Variants in LRRK1 observed in about 807,000 individuals in gnomAD.
LRRK1 encodes the protein leucine rich repeat kinase 1.
In LRRK1, 113 loss-of-function variants were observed where a neutral mutation model predicts 209.1. The ratio of observed to expected loss-of-function variants is 0.54; its 90% CI spans 0.46 to 0.63. The LOEUF is 0.63. Among genes scored for constraint, LRRK1 ranks in the 30% least tolerant of loss-of-function variants. LRRK1 has a pLI of 0.00. For missense variants in LRRK1, 2,284 were observed against 2,632.2 expected (o/e 0.87, Z 2.89); for synonymous variants, 1,144 against 1,099.7 (o/e 1.04, Z -0.80).
At chr15:100,977,414 C>T (rs1439753662) in intron 3 of LRRK1, among the ~76,000 whole-genome samples, 3 of 152,168 alleles carry the variant, frequency 2.0e-5, no homozygotes, top group African/African-American at 4.8e-5. Flanking sequence ...CATCCCCACC[C>T]CACGGTGTCA....
At chr15:100,942,212 G>A (rs898715402) in intron 2 of LRRK1, among the ~76,000 whole-genome samples, 6 of 152,270 alleles carry the variant, frequency 3.9e-5, no homozygotes, top group East Asian at 1.9e-4. Context: ...CTCTACAGTC[G>A]GAAGGAACCG....
chr15:101,056,610 AATGGATGG>A (rs913204597), intron 27 of LRRK1, among the ~76,000 whole-genome samples: 3 of 152,044 alleles, frequency 2.0e-5, no homozygotes, highest in African/African-American at 4.8e-5. Context: ...AAGACAAGCA[AATGGATGG>A]ATGGGTGGAT....
Position 101,065,399 on chromosome 15 carries a change from G to A in LRRK1, c.4962G>A (p.Val1654=). The A allele has an allele frequency of 6.2e-7, 1 of 1,614,096 alleles. No homozygotes were observed. Among genetic ancestry groups the A allele is most frequent in the Non-Finnish European group, 8.5e-7 (1 of 1,180,040 alleles). ...GCCTCGCCGATGGGCTTGTGGCTGT[G>A]TTTCCCGTGGTGCGGGGCACCCCAA... The part of the protein sequence containing the change: ...LAGLADGLVA[V]FPVVRGTPKD... The change falls in exon 32 of 34, where the codon GTG becomes GTA. Residue 1654 remains valine (V), a synonymous_variant. Transcript: ENST00000388948.
At chr15:100,976,228 T>C (rs181762872) in intron 3 of LRRK1, among the ~76,000 whole-genome samples, 1 of 152,326 alleles carries the variant, frequency 6.6e-6, no homozygotes, top group Admixed American at 6.5e-5. Context: ...ACTGGTGTGT[T>C]CTACCAATAA....
intron 30 of LRRK1, among the ~76,000 whole-genome samples, chr15:101,061,620 A>G (rs1172222950): frequency 1.3e-5 from 2 of 152,214 alleles, no homozygotes; most frequent in African/African-American, 2.4e-5. Flanking sequence ...TCAGCTCTGA[A>G]GGCCTCTTGC....
At chr15:101,058,547 T>G (rs2035948980) in intron 29 of LRRK1, among the ~76,000 whole-genome samples, 1 of 140,250 alleles carries the variant, frequency 7.1e-6, no homozygotes, top group African/African-American at 2.6e-5. Context: ...AAAAACGAAA[T>G]GAGGCCTGTC....
chr15:100,993,041 T>C (rs1393533457), intron 6 of LRRK1, among the ~76,000 whole-genome samples: 1 of 152,200 alleles, frequency 6.6e-6, no homozygotes, highest in East Asian at 1.9e-4. Context: ...GGTTCTTATC[T>C]GGACTCCAGG....
chr15:100,930,888 G>A (rs2042200353), intron 2 of LRRK1, among the ~76,000 whole-genome samples: 1 of 152,206 alleles, frequency 6.6e-6, no homozygotes, highest in Non-Finnish European at 1.5e-5. Context: ...TGCCATGTAA[G>A]TCTAAACTTG....
At chr15:101,036,656 TG>T (rs542287055) in intron 20 of LRRK1, among the ~76,000 whole-genome samples, 86 of 152,368 alleles carry the variant, frequency 5.6e-4, no homozygotes, top group Admixed American at 1.3e-3. Context: ...TGTTTTCCTT[TG>T]GAAGTATCAT....
chr15:101,010,995 C>T (rs563080358), intron 9 of LRRK1, among the ~76,000 whole-genome samples, 158 bp downstream of exon 9: 2 of 152,268 alleles, frequency 1.3e-5, no homozygotes, highest in South Asian at 2.1e-4. Flanking sequence ...ACTCAGCATA[C>T]AGCGAGGCTG....
At chr15:100,932,429 C>T (rs2042229159) in intron 2 of LRRK1, among the ~76,000 whole-genome samples, 1 of 152,214 alleles carries the variant, frequency 6.6e-6, no homozygotes, top group South Asian at 2.1e-4. Context: ...CCTCTATATG[C>T]ACCACATCTG....
intron 3 of LRRK1, among the ~76,000 whole-genome samples, chr15:100,980,047 A>G (rs531635540): frequency 2.4e-4 from 36 of 152,316 alleles, no homozygotes; most frequent in African/African-American, 8.7e-4. Flanking sequence ...CTAGAAATAC[A>G]CTTATGAACC....
chr15:101,064,871 G>T (rs2036433060), intron 31 of LRRK1: 1 of 148,676 alleles, frequency 6.7e-6, no homozygotes, highest in Non-Finnish European at 1.5e-5. Context: ...GGAACACTCT[G>T]CCTGGTGGGG....
chr15:101,025,050 C>T (rs2033962239), intron 16 of LRRK1, 83 bp downstream of exon 16: 1 of 1,367,450 alleles, frequency 7.3e-7, no homozygotes. Context: ...ATCCCCTGTA[C>T]TGAGAAAAAA....
rs2033911478 is a variant in LRRK1 at position 101,024,037 on chromosome 15, A to C, written c.2068-766A>C. On this transcript the variant is annotated intron_variant, in intron 15 of 33. Transcript: ENST00000388948. This position sits in a 1 kb window ranked among gnomAD's most constrained non-coding sequence, Gnocchi z 4.6. ...CGTGCTTCTATTTTTCCTGACCTTC[A>C]CCCCCACTTCCTTTCTGCGATGATT... is the stretch of plus-strand genomic sequence containing the variant. Among the ~76,000 whole-genome samples, 1 of 150,316 alleles carries C rather than the reference A, an allele frequency of 6.7e-6. No individual in the cohort carries two copies. The highest frequency in any genetic ancestry group is 2.5e-5 in the African/African-American group (1 of 40,602).
intron 12 of LRRK1, among the ~76,000 whole-genome samples, chr15:101,016,951 T>A (rs977178033): frequency 2.0e-5 from 3 of 152,144 alleles, no homozygotes; most frequent in Non-Finnish European, 4.4e-5. Context: ...AGAGAGTACA[T>A]CTAGGTAAAC....
At chr15:100,974,946 A>C (rs969010597) in intron 3 of LRRK1, among the ~76,000 whole-genome samples, 4 of 152,244 alleles carry the variant, frequency 2.6e-5, no homozygotes, top group Non-Finnish European at 5.9e-5. Context: ...CAGGCTTAAC[A>C]TGCCTCCATT....
At position 101,009,030 on chromosome 15, in the gene LRRK1, G is replaced by C; in HGVS notation, c.956G>C (p.Gly319Ala). The C allele has an allele frequency of 6.2e-7, 1 of 1,614,206 alleles. No homozygotes were observed. Among genetic ancestry groups the C allele is most frequent in the Non-Finnish European group, 8.5e-7 (1 of 1,180,026 alleles). The change falls in exon 7 of 34, where the codon GGC becomes GCC. Residue 319 changes from glycine (G) to alanine (A), a missense_variant. By Grantham distance (60) the Gly-to-Ala change is moderately conservative (BLOSUM62 0). This residue lies in a region of LRRK1 where 494 missense variants were observed against 522.1 expected (regional missense o/e 0.95). Transcript: ENST00000388948. Reference protein sequence around the residue: ...LSDNHLGELPGVQSSDEIICS... With the variant: ...LSDNHLGELPAVQSSDEIICS... ...GACAACCACCTGGGGGAGCTGCCTG[G>C]CGTGCAGTCATCGGACGAAATCATC... is the stretch of plus-strand genomic sequence containing the variant.
chr15:100,971,408 T>G (rs12898676), intron 2 of LRRK1, among the ~76,000 whole-genome samples: 1 of 151,622 alleles, frequency 6.6e-6, no homozygotes, highest in South Asian at 2.1e-4. Flanking sequence ...GTCTTATTCA[T>G]CCTTTCAGAG....
Sources: allele counts gnomAD v4.1 joint callset (sites outside exome capture counted in the v4.1 genomes callset), GRCh38; gene constraint gnomAD v4.1.1; regional missense constraint gnomAD v4.1.1; non-coding constraint Gnocchi (gnomAD v3.1); transcripts MANE v1.5; gene names NCBI Gene and HGNC (gene_info 2026-07-23, HGNC 2026-07-21).